HIVEP2: variants seen among roughly 807,000 people sequenced by gnomAD.
HIVEP2 encodes the protein HIVEP zinc finger 2, also known as transcription factor HIVEP2.
HIVEP2 carries 14 observed loss-of-function variants against 180.7 expected under a neutral mutation model. The observed-to-expected ratio is 0.08, with a 90% CI of 0.05 to 0.12. The LOEUF (loss-of-function observed/expected upper bound fraction) is 0.12. Ranked by LOEUF, HIVEP2 falls within the 10% of genes least tolerant of loss-of-function variation. HIVEP2 has a pLI of 1.00. For synonymous variants in HIVEP2, 1,184 were observed against 1,136.4 expected, an observed-to-expected ratio of 1.04 and a Z score of -0.84; for missense variants, 2,579 against 3,008.5, an observed-to-expected ratio of 0.86 and a Z score of 3.34.
intron 1 of HIVEP2, among the ~76,000 whole-genome samples, chr6:142,879,847 T>TA (rs1464562391): frequency 6.6e-6 from 1 of 152,102 alleles, no homozygotes; most frequent in Non-Finnish European, 1.5e-5. Context: ...TTCCCTGGTT[T>TA]AAACTGCAAT....
At chr6:142,811,357 G>A (rs1402078899) in intron 2 of HIVEP2, among the ~76,000 whole-genome samples, 1 of 152,200 alleles carries the variant, frequency 6.6e-6, no homozygotes, top group Non-Finnish European at 1.5e-5. Context: ...TGAAAGCAGA[G>A]TGGTCACTTA....
At position 142,820,969 on chromosome 6, in the gene HIVEP2, T is replaced by C. The variant is rs146685748; in HGVS notation, c.-528+15966A>G. Among the ~76,000 whole-genome samples the C allele has an allele frequency of 7.2e-5, 11 of 152,258 alleles. No individual in the cohort carries two copies. In the East Asian group the frequency reaches 1.9e-3, roughly 27 times the overall value. On this transcript the variant is annotated intron_variant, in intron 2 of 9. Coordinates refer to ENST00000367603, the MANE Select transcript of HIVEP2 (RefSeq NM_006734.4). ...GAAACACTAACAAACATTTTTTTTT[T>C]CAAAACACAAGAATTCAGATATAAA... is the stretch of plus-strand genomic sequence containing the variant.
chr6:142,787,636 A>C (rs1352973431), intron 2 of HIVEP2, among the ~76,000 whole-genome samples: 2 of 151,996 alleles, frequency 1.3e-5, no homozygotes, highest in Non-Finnish European at 2.9e-5. Flanking sequence ...TGGCAAAGGA[A>C]GAAGAGGCTG....
intron 1 of HIVEP2, among the ~76,000 whole-genome samples, chr6:142,848,567 T>C (rs986243612): frequency 1.3e-5 from 2 of 151,112 alleles, no homozygotes; most frequent in African/African-American, 2.4e-5. Context: ...AAATAAAAAT[T>C]AAAAAAAAAT....
chr6:142,797,470 G>A (rs1378699227), intron 2 of HIVEP2, among the ~76,000 whole-genome samples: 1 of 152,108 alleles, frequency 6.6e-6, no homozygotes, highest in East Asian at 1.9e-4. Flanking sequence ...AGAGAATAGA[G>A]ACAATATCAC....
At chr6:142,838,935 T>C (rs1332721475) in intron 1 of HIVEP2, among the ~76,000 whole-genome samples, 3 of 152,182 alleles carry the variant, frequency 2.0e-5, no homozygotes, top group Non-Finnish European at 4.4e-5. Context: ...AACTATGCTC[T>C]CATTTCTAAC....
Position 142,769,679 on chromosome 6 carries a change from G to A in HIVEP2, c.5060C>T (p.Thr1687Ile). The A allele has an allele frequency of 6.2e-7, 1 of 1,614,184 alleles. No homozygotes were observed. The highest frequency in any genetic ancestry group is 8.5e-7 in the Non-Finnish European group (1 of 1,180,034). ...SCNPNPSGLN[T>I]KTTLALLRSK... ...CCTCAGAAGAGCCAGCGTGGTCTTG[G>A]TGTTCAATCCTGATGGGTTTGGATT... Residue 1687 changes from threonine to isoleucine, a missense_variant, in exon 5 of 10, where the codon ACC becomes ATC. Coordinates refer to ENST00000367603, the MANE Select transcript of HIVEP2 (RefSeq NM_006734.4).
intron 1 of HIVEP2, among the ~76,000 whole-genome samples, chr6:142,858,422 G>T (rs1259305843): frequency 1.3e-5 from 2 of 152,014 alleles, no homozygotes; most frequent in Non-Finnish European, 2.9e-5. Flanking sequence ...AGCTCTCAAA[G>T]GAGGCAGCAC....
At position 142,771,162 on chromosome 6, in the gene HIVEP2, G is replaced by C; in HGVS notation, c.3577C>G (p.Gln1193Glu). 1 of 1,614,218 alleles carries C rather than the reference G, an allele frequency of 6.2e-7. No individual in the cohort carries two copies. The highest frequency in any genetic ancestry group is 8.5e-7 in the Non-Finnish European group (1 of 1,180,032). Reference protein sequence around the residue: ...LPEQPHLFPHQETIPFSPIQN... With the variant: ...LPEQPHLFPHEETIPFSPIQN... The stretch of plus-strand genomic sequence containing the variant: ...ATTGGAGAAAATGGAATTGTCTCTT[G>C]ATGTGGAAATAAGTGTGGCTGTTCA... The change falls in exon 5 of 10, where the codon CAA (glutamine) becomes GAA (glutamate). Residue 1193 changes from glutamine to glutamate, a missense_variant. By Grantham distance (29) the Gln-to-Glu change is conservative (BLOSUM62 2). This residue lies in a region of HIVEP2 where 523 missense variants were observed against 577.0 expected (regional missense o/e 0.91). Coordinates refer to ENST00000367603, the MANE Select transcript of HIVEP2 (RefSeq NM_006734.4). This position sits in a 1 kb window ranked among gnomAD's most constrained non-coding sequence, Gnocchi z 5.4.
chr6:142,905,113 C>T (rs529839460), intron 1 of HIVEP2, among the ~76,000 whole-genome samples: 2 of 152,294 alleles, frequency 1.3e-5, no homozygotes, highest in East Asian at 1.9e-4. Flanking sequence ...CTTTCATTCA[C>T]TTTTTAAATC....
intron 2 of HIVEP2, among the ~76,000 whole-genome samples, chr6:142,795,108 T>C (rs1316661247): frequency 1.3e-5 from 2 of 152,202 alleles, no homozygotes; most frequent in Non-Finnish European, 2.9e-5. Context: ...GCTTAATTTT[T>C]ATATTCCTCA....
chr6:142,826,512 C>G (rs891194669), intron 2 of HIVEP2, among the ~76,000 whole-genome samples: 1 of 152,210 alleles, frequency 6.6e-6, no homozygotes, highest in African/African-American at 2.4e-5. Context: ...CTAACCCTAT[C>G]TATCCCAGGT....
rs1180492643 is a variant in HIVEP2 at position 142,851,163 on chromosome 6, C to A, written c.-640-14116G>T. Among the ~76,000 whole-genome samples the A allele has an allele frequency of 2.6e-5, 4 of 152,120 alleles. No individual in the cohort carries two copies. The South Asian group carries it at 8.3e-4, about 32-fold the overall frequency. The stretch of plus-strand genomic sequence containing the variant: ...AAGAGGTGAGAAGGAAAAGCAACAA[C>A]AAGAGGAAGCAACTGTAGCCAGCCT... On this transcript the variant is annotated intron_variant, in intron 1 of 9. Transcript: ENST00000367603.
intron 1 of HIVEP2, among the ~76,000 whole-genome samples, chr6:142,884,164 C>T (rs893940558): frequency 1.3e-5 from 2 of 151,998 alleles, no homozygotes. Context: ...CTTTTTTATC[C>T]TACACACAAT....
chr6:142,932,465 A>T (rs866360367), intron 1 of HIVEP2, among the ~76,000 whole-genome samples: 48 of 152,292 alleles, frequency 3.2e-4, no homozygotes, highest in African/African-American at 1.2e-3. Context: ...ATTTTTGAGG[A>T]GTTATTAAAA....
chr6:142,896,633 T>G (rs1777002187), intron 1 of HIVEP2, among the ~76,000 whole-genome samples: 1 of 152,192 alleles, frequency 6.6e-6, no homozygotes, highest in Admixed American at 6.5e-5. Context: ...AAATTTGCCT[T>G]TCACTTCACA....
chr6:142,899,092 C>T (rs1465358710), intron 1 of HIVEP2, among the ~76,000 whole-genome samples: 2 of 152,164 alleles, frequency 1.3e-5, no homozygotes, highest in African/African-American at 4.8e-5. Context: ...GCATACCCTC[C>T]TTGACCTGGT....
At chr6:142,941,494 T>G (rs1393851474) in intron 1 of HIVEP2, among the ~76,000 whole-genome samples, 1 of 152,196 alleles carries the variant, frequency 6.6e-6, no homozygotes, top group Non-Finnish European at 1.5e-5. Context: ...ATGATCTTAT[T>G]TTCATAAAGT....
rs1582856731 is a variant in HIVEP2, at chr6:142,785,225, T to A, written c.-527-1610A>T. ...TATTTTTAACACACTAAATATCACATCTGTTTTAAAAAATCAAATAAAAGC... is the reference window on the plus strand; with the variant it reads ...TATTTTTAACACACTAAATATCACAACTGTTTTAAAAAATCAAATAAAAGC... On this transcript the variant is annotated intron_variant, in intron 2 of 9. Transcript: ENST00000367603. 2.0e-5 allele frequency among the ~76,000 whole-genome samples: 3 copies of A among 146,954 alleles called. No individual in the cohort carries two copies. In the East Asian group the frequency reaches 6.1e-4, roughly 30 times the overall value.
Sources: gnomAD v4.1 joint callset for allele counts (sites outside exome capture counted in the v4.1 genomes callset) on GRCh38, gnomAD v4.1.1 for gene constraint, gnomAD v4.1.1 regional missense constraint, Gnocchi (gnomAD v3.1) non-coding constraint, MANE v1.5 for transcripts, NCBI Gene and HGNC (gene_info 2026-07-23, HGNC 2026-07-21) for gene names.